The following FLNB variants were observed in gnomAD, a reference collection of about 807,000 sequenced individuals.
FLNB encodes filamin B.
Under a neutral mutation model 250.6 loss-of-function variants are expected in FLNB, and 111 were observed. The ratio of observed to expected loss-of-function variants is 0.44; its 90% CI spans 0.38 to 0.52. FLNB has a LOEUF of 0.52. Among genes scored for constraint, FLNB ranks in the 20% least tolerant of loss-of-function variants. The pLI, the probability that FLNB is intolerant of heterozygous loss-of-function variation, is 0.00. For synonymous variants in FLNB, 1,302 were observed against 1,372.1 expected (o/e 0.95, Z 1.13); for missense variants, 2,869 against 3,447.8 (o/e 0.83, Z 4.20).
chr3:58,093,192 T>A (rs992514270), intron 4 of FLNB, among the ~76,000 whole-genome samples: 28 of 152,132 alleles, frequency 1.8e-4, no homozygotes, highest in African/African-American at 6.5e-4. Flanking sequence ...TGATAGAGGA[T>A]ACAGATGATG....
At chr3:58,168,806 G>T in intron 44 of FLNB, 148 bp downstream of exon 44, 1 of 705,082 alleles carries the variant, frequency 1.4e-6, no homozygotes, top group South Asian at 1.5e-5. Flanking sequence ...ATGTCAGAGG[G>T]CAGTGTTTGA....
intron 1 of FLNB, among the ~76,000 whole-genome samples, chr3:58,054,512 G>A (rs1389281517): frequency 6.6e-6 from 1 of 152,176 alleles, no homozygotes; most frequent in Admixed American, 6.5e-5. Flanking sequence ...GAAGTCTCGG[G>A]AAACTTACAA....
intron 24 of FLNB, among the ~76,000 whole-genome samples, 170 bp downstream of exon 24, chr3:58,126,932 A>G (rs572941791): frequency 4.6e-5 from 7 of 152,334 alleles, no homozygotes; most frequent in Admixed American, 2.0e-4. Flanking sequence ...TCCCAGTAGA[A>G]CCGGTAACAT....
In FLNB at chr3:58,170,962, C is replaced by A; in HGVS notation, c.*200C>A. The A allele has an allele frequency of 1.7e-6, 1 of 586,070 alleles. No individual in the cohort carries two copies. Among genetic ancestry groups the A allele is most frequent in the African/African-American group, 1.9e-5 (1 of 53,766 alleles). 36.3% of individuals were successfully genotyped at this position (586,070 alleles called of 1,614,324 possible). The stretch of plus-strand genomic sequence containing the variant: ...ATTGGAGAATCTTAAGAAATGCAAG[C>A]TTGTTCAGGGGGCTGAGAAGATCCT... On this transcript the variant is annotated 3_prime_UTR_variant, in exon 46 of 46. Transcript: ENST00000295956.
chr3:58,113,869 G>A (rs1365335620), intron 18 of FLNB, among the ~76,000 whole-genome samples: 1 of 151,960 alleles, frequency 6.6e-6, no homozygotes, highest in Admixed American at 6.6e-5. Flanking sequence ...GGTAGAGACG[G>A]GGTTTCGCCA....
chr3:58,140,565 AG>A (rs2097325176), intron 29 of FLNB, among the ~76,000 whole-genome samples: 1 of 152,110 alleles, frequency 6.6e-6, no homozygotes, highest in Non-Finnish European at 1.5e-5. Flanking sequence ...GGGTGTTGAG[AG>A]GGGTTCCCTT....
At chr3:58,114,711 T>C (rs1028193291) in intron 18 of FLNB, among the ~76,000 whole-genome samples, 1 of 145,686 alleles carries the variant, frequency 6.9e-6, no homozygotes, top group Non-Finnish European at 1.5e-5. Context: ...TTTTCTGTTT[T>C]TTTTTTTTGT....
At chr3:58,067,572 GT>G (rs11400987) in intron 1 of FLNB, among the ~76,000 whole-genome samples, 1 of 145,146 alleles carries the variant, frequency 6.9e-6, no homozygotes, top group African/African-American at 2.6e-5. Flanking sequence ...TAACAAAGAG[GT>G]TTTTTTTGTT....
intron 1 of FLNB, among the ~76,000 whole-genome samples, chr3:58,035,508 T>G (rs1254353469): frequency 6.6e-6 from 1 of 152,128 alleles, no homozygotes; most frequent in Non-Finnish European, 1.5e-5. Flanking sequence ...CACCCCCAAC[T>G]TTTTTAAGAG....
chr3:58,154,150 C>T (rs2097349693), intron 39 of FLNB, among the ~76,000 whole-genome samples: 2 of 152,190 alleles, frequency 1.3e-5, no homozygotes, highest in Non-Finnish European at 2.9e-5. Context: ...CACTATCTTG[C>T]TCAGACTGGT....
chr3:58,162,617 G>A (rs2107317913), intron 42 of FLNB: 1 of 159,044 alleles, frequency 6.3e-6, no homozygotes, highest in East Asian at 1.8e-4. Flanking sequence ...TTGAACAGTA[G>A]TTAGAATGGC....
At chr3:58,029,056 G>A (rs56282156) in intron 1 of FLNB, among the ~76,000 whole-genome samples, 2 of 151,692 alleles carry the variant, frequency 1.3e-5, no homozygotes, top group Non-Finnish European at 2.9e-5. Flanking sequence ...CACTGAAGCC[G>A]GAGTGACAGA....
intron 1 of FLNB, among the ~76,000 whole-genome samples, chr3:58,036,753 A>G (rs2097138654): frequency 6.6e-6 from 1 of 152,198 alleles, no homozygotes; most frequent in South Asian, 2.1e-4. Context: ...GGCTATTAGC[A>G]GTTTTTTTTC....
chr3:58,090,241 C>T (rs1323092422), intron 4 of FLNB, among the ~76,000 whole-genome samples: 1 of 151,992 alleles, frequency 6.6e-6, no homozygotes, highest in African/African-American at 2.4e-5. Context: ...TCCTGTCCCA[C>T]TGTCCCACTG....
At chr3:58,042,788 C>T (rs147635621) in intron 1 of FLNB, among the ~76,000 whole-genome samples, 4 of 152,112 alleles carry the variant, frequency 2.6e-5, no homozygotes, top group Non-Finnish European at 5.9e-5. Context: ...AGCCATGAGC[C>T]GTTCGTTGCG....
chr3:58,016,363 G>C (rs1426810124), intron 1 of FLNB, among the ~76,000 whole-genome samples: 1 of 151,888 alleles, frequency 6.6e-6, no homozygotes, highest in Non-Finnish European at 1.5e-5. Flanking sequence ...CCCTTGTTTA[G>C]TGTAGGGTAG....
At chr3:58,161,952 T>A (rs2097362506) in intron 42 of FLNB, among the ~76,000 whole-genome samples, 1 of 152,194 alleles carries the variant, frequency 6.6e-6, no homozygotes, top group Non-Finnish European at 1.5e-5. Context: ...TGCCCACTGC[T>A]GAGTCATTTC....
intron 4 of FLNB, among the ~76,000 whole-genome samples, chr3:58,084,505 C>T (rs969959019): frequency 6.6e-6 from 1 of 152,130 alleles, no homozygotes; most frequent in African/African-American, 2.4e-5. Flanking sequence ...CCATTTCCTT[C>T]ATCTGCCTCT....
At chr3:58,130,322 C>T (rs764649616) in intron 24 of FLNB, among the ~76,000 whole-genome samples, 34 of 152,156 alleles carry the variant, frequency 2.2e-4, no homozygotes, top group Non-Finnish European at 3.8e-4. Flanking sequence ...CTACTTGAAG[C>T]ACCTCTCTGT....
Sources: gnomAD v4.1 joint callset for allele counts (sites outside exome capture counted in the v4.1 genomes callset) on GRCh38, gnomAD v4.1.1 for gene constraint, MANE v1.5 for transcripts, NCBI Gene and HGNC (gene_info 2026-07-23, HGNC 2026-07-21) for gene names.